TUBGCP5: variants seen among roughly 807,000 people sequenced by gnomAD.
TUBGCP5 encodes the protein gamma-tubulin complex component 5.
In TUBGCP5, 98 loss-of-function variants were observed where a neutral mutation model predicts 134.7. The ratio of observed to expected loss-of-function variants is 0.73; its 90% CI spans 0.62 to 0.86. TUBGCP5 has a LOEUF of 0.86. Ranked by LOEUF, TUBGCP5 falls within the 40% of genes least tolerant of loss-of-function variation. The pLI is 0.00. For missense variants in TUBGCP5, 1,150 were observed against 1,244.8 expected, an observed-to-expected ratio of 0.92 and a Z score of 1.15; for synonymous variants, 456 against 431.4, an observed-to-expected ratio of 1.06 and a Z score of -0.71.
chr15:23,008,969 T>C, intron 15 of TUBGCP5, 88 bp from the exon 16 acceptor site: 2 of 1,061,560 alleles, frequency 1.9e-6, no homozygotes, highest in Non-Finnish European at 2.7e-6. Flanking sequence ...TAACCTGTTT[T>C]TAGTGGAACA....
intron 1 of TUBGCP5, 40 bp downstream of exon 1, chr15:23,039,358 G>T: frequency 3.7e-6 from 5 of 1,366,358 alleles, no homozygotes; most frequent in Non-Finnish European, 4.8e-6. Flanking sequence ...GCGGGCTCCG[G>T]GCTGTGGCCG....
At chr15:23,037,222 T>C in intron 1 of TUBGCP5, 70 bp from the exon 2 acceptor site, 1 of 1,418,542 alleles carries the variant, frequency 7.0e-7, no homozygotes, top group Non-Finnish European at 9.9e-7. Flanking sequence ...CTCATGGCCC[T>C]CCATATCCCC....
In TUBGCP5 at chr15:22,988,592, C is replaced by T. The variant is rs540960409; in HGVS notation, c.*62-4981G>A. On this transcript the variant is annotated intron_variant and NMD_transcript_variant, in intron 23 of 23. Coordinates refer to the TUBGCP5 transcript ENST00000614508. ...ACTAGAAAATACAAAAAAAATTAGC[C>T]GGGCGTGGTGGTGGGTGCCTGTAGT... is the stretch of plus-strand genomic sequence containing the variant. 6.3e-4 allele frequency among the ~76,000 whole-genome samples: 96 copies of T among 151,416 alleles called. 1 individual carries two copies. In the East Asian group the frequency reaches 0.012, roughly 20 times the overall value.
chr15:23,026,950 A>G (rs1345496963), intron 7 of TUBGCP5, among the ~76,000 whole-genome samples: 3 of 152,114 alleles, frequency 2.0e-5, no homozygotes, highest in African/African-American at 7.2e-5. Context: ...AAAAAAAAGT[A>G]AAATAAAATA....
chr15:23,026,245 T>A (rs747003262), intron 7 of TUBGCP5, 40 bp from the exon 8 acceptor site: 1 of 1,528,682 alleles, frequency 6.5e-7, no homozygotes, highest in African/African-American at 1.7e-5. Flanking sequence ...GAAAGGTTTC[T>A]AAGTAAGTAA....
chr15:23,017,296 T>C (rs1425365054), intron 13 of TUBGCP5, among the ~76,000 whole-genome samples: 2 of 151,670 alleles, frequency 1.3e-5, no homozygotes, highest in Non-Finnish European at 2.9e-5. Context: ...TATTATAGAG[T>C]TGCACATAGC....
intron 23 of TUBGCP5, among the ~76,000 whole-genome samples, chr15:22,984,702 T>C (rs2063631536): frequency 6.6e-6 from 1 of 152,034 alleles, no homozygotes; most frequent in Non-Finnish European, 1.5e-5. Flanking sequence ...CTCAACTTCC[T>C]CCCCAACACC....
intron 1 of TUBGCP5, 51 bp downstream of exon 1, chr15:23,039,347 C>A: frequency 7.6e-7 from 1 of 1,313,830 alleles, no homozygotes; most frequent in Non-Finnish European, 9.8e-7. Flanking sequence ...GGGACCCACG[C>A]GCGGGCTCCG....
At chr15:23,000,424 G>A in intron 22 of TUBGCP5, 145 bp downstream of exon 22, 1 of 1,426,424 alleles carries the variant, frequency 7.0e-7, no homozygotes, top group Non-Finnish European at 9.2e-7. Flanking sequence ...GCAATTCAAA[G>A]CATGGGACAA....
intron 6 of TUBGCP5, among the ~76,000 whole-genome samples, chr15:23,030,025 T>G (rs749634137): frequency 6.6e-6 from 1 of 152,204 alleles, no homozygotes; most frequent in Non-Finnish European, 1.5e-5. Flanking sequence ...TGAAACCCTG[T>G]GTCTACAAAA....
Position 22,988,469 on chromosome 15 carries a change from G to C in TUBGCP5, c.*62-4858C>G, listed in dbSNP as rs555338878. On this transcript the variant is annotated intron_variant and NMD_transcript_variant, in intron 23 of 23. Coordinates refer to the TUBGCP5 transcript ENST00000614508. ...GTTTTTTTGGCCGGTTGCGGTGGCT[G>C]AAGCCTGTAATCCCAGCACTTTGGG... Among the ~76,000 whole-genome samples the C allele has an allele frequency of 2.2e-3, 328 of 151,826 alleles. 1 individual carries two copies. Among genetic ancestry groups the C allele is most frequent in the African/African-American group, 4.8e-3 (197 of 41,296 alleles).
rs200558039 is a variant in TUBGCP5, at chr15:22,986,520, C to T, written c.*62-2909G>A. ...GGGAGGCCAAGGCGGGTGGATCACT[C>T]GAGGTCAGGAGTTCGAGACCAGCCT... On this transcript the variant is annotated intron_variant and NMD_transcript_variant, in intron 23 of 23. Transcript: ENST00000614508. Among the ~76,000 whole-genome samples, 6 of 151,700 alleles carry T rather than the reference C, an allele frequency of 4.0e-5. No homozygotes were observed. In the East Asian group the frequency reaches 1.2e-3, roughly 30 times the overall value.
chr15:23,003,987 T>C, intron 20 of TUBGCP5, 115 bp downstream of exon 20: 1 of 1,352,866 alleles, frequency 7.4e-7, no homozygotes, highest in Non-Finnish European at 9.8e-7. Flanking sequence ...TTCATCTGGT[T>C]CTTCCTTAAA....
intron 14 of TUBGCP5, among the ~76,000 whole-genome samples, chr15:23,010,820 A>C (rs568845927): frequency 1.3e-4 from 20 of 152,150 alleles, no homozygotes; most frequent in Admixed American, 1.3e-3. Flanking sequence ...CTCTACAAAA[A>C]ATACAAAAAT....
intron 23 of TUBGCP5, among the ~76,000 whole-genome samples, chr15:22,988,245 G>A (rs778593733): frequency 1.6e-4 from 24 of 151,862 alleles, no homozygotes; most frequent in Non-Finnish European, 2.9e-4. Flanking sequence ...GCTTACATGA[G>A]ACACTGAGAG....
Position 23,009,959 on chromosome 15 carries a change from T to A in TUBGCP5, c.2130A>T (p.Leu710=), listed in dbSNP as rs758864478. 7 of 1,612,572 alleles carry A rather than the reference T, an allele frequency of 4.3e-6. No individual in the cohort carries two copies. In the African/African-American group the frequency reaches 9.3e-5, roughly 22 times the overall value. The change falls in exon 15 of 23, where the codon CTA becomes CTT. Residue 710 remains leucine (L), a synonymous_variant. Coordinates refer to ENST00000615383, the MANE Select transcript of TUBGCP5 (RefSeq NM_052903.6). ...TACTCTTTTACCTGTAATCTTTTTT[T>A]AGAGTTTGCATGAGATTTCCACAGC... ...LDCCGNLMQT[L]KKDYRLVEYL...
chr15:23,015,197 T>C (rs1440282769), intron 13 of TUBGCP5, among the ~76,000 whole-genome samples: 3 of 152,038 alleles, frequency 2.0e-5, no homozygotes, highest in African/African-American at 7.2e-5. Flanking sequence ...GTGATTCTTG[T>C]GCCTCAGCCT....
At chr15:23,026,332 G>GTT in intron 7 of TUBGCP5, 127 bp from the exon 8 acceptor site, 1 of 720,422 alleles carries the variant, frequency 1.4e-6, no homozygotes, top group East Asian at 2.7e-5. Flanking sequence ...CATAATAAAT[G>GTT]GCTTAAATGC....
chr15:23,030,340 C>A (rs2066234206), intron 6 of TUBGCP5, among the ~76,000 whole-genome samples: 1 of 152,104 alleles, frequency 6.6e-6, no homozygotes, highest in Non-Finnish European at 1.5e-5. Flanking sequence ...CACACTGACA[C>A]CAAGTGCACA....
Sources: gnomAD v4.1 joint callset for allele counts (sites outside exome capture counted in the v4.1 genomes callset) on GRCh38, gnomAD v4.1.1 for gene constraint, MANE v1.5 for transcripts, NCBI Gene and HGNC (gene_info 2026-07-23, HGNC 2026-07-21) for gene names.